ABI1: variants seen among roughly 807,000 people sequenced by gnomAD.
The protein encoded by ABI1 is abl interactor 1.
In ABI1, 14 loss-of-function variants were observed where a neutral mutation model predicts 54.6. The observed-to-expected ratio is 0.26, with a 90% CI of 0.17 to 0.40. The LOEUF (loss-of-function observed/expected upper bound fraction) is 0.40. ABI1 is among the 10% of genes least tolerant of loss of function. The pLI is 1.00. For missense variants in ABI1, 443 were observed against 598.3 expected (o/e 0.74, Z 2.71); for synonymous variants, 194 against 209.3 (o/e 0.93, Z 0.63).
At chr10:26,829,022 C>G (rs568729306) in intron 1 of ABI1, among the ~76,000 whole-genome samples, 2 of 151,672 alleles carry the variant, frequency 1.3e-5, no homozygotes, top group East Asian at 1.9e-4. Flanking sequence ...CTCAGGAGAT[C>G]GAGACCATCC....
chr10:26,858,429 A>C (rs2051010050), intron 1 of ABI1, among the ~76,000 whole-genome samples: 1 of 150,628 alleles, frequency 6.6e-6, no homozygotes, highest in East Asian at 2.0e-4. Flanking sequence ...TAAGGTATTT[A>C]GATAATCATT....
intron 1 of ABI1, among the ~76,000 whole-genome samples, chr10:26,854,831 A>G (rs769452473): frequency 1.3e-5 from 2 of 152,236 alleles, no homozygotes; most frequent in Non-Finnish European, 2.9e-5. Context: ...ATCTCTACAA[A>G]TGCTTCTTCA....
intron 2 of ABI1, among the ~76,000 whole-genome samples, chr10:26,815,164 G>A (rs1054027027): frequency 2.0e-5 from 3 of 151,932 alleles, no homozygotes; most frequent in African/African-American, 4.8e-5. Flanking sequence ...GAAGAGCAAG[G>A]AAATACTCTT....
At chr10:26,832,957 C>T (rs1201445717) in intron 1 of ABI1, among the ~76,000 whole-genome samples, 1 of 152,214 alleles carries the variant, frequency 6.6e-6, no homozygotes, top group Non-Finnish European at 1.5e-5. Context: ...CAGCAGAACG[C>T]CTATTCCAAT....
chr10:26,794,901 T>C (rs1252823388), intron 2 of ABI1, among the ~76,000 whole-genome samples: 8 of 152,082 alleles, frequency 5.3e-5, no homozygotes, highest in Non-Finnish European at 7.4e-5. Context: ...CCCAGCACTT[T>C]GGGAGGCTGA....
At chr10:26,852,529 A>C (rs2050480826) in intron 1 of ABI1, among the ~76,000 whole-genome samples, 1 of 152,186 alleles carries the variant, frequency 6.6e-6, no homozygotes, top group Non-Finnish European at 1.5e-5. Flanking sequence ...TTAAGTTGCT[A>C]ATATTTGACG....
At chr10:26,782,383 G>A (rs919166906) in intron 2 of ABI1, among the ~76,000 whole-genome samples, 1 of 151,426 alleles carries the variant, frequency 6.6e-6, no homozygotes, top group East Asian at 1.9e-4. Flanking sequence ...AAAAAAACCC[G>A]ACTCAAAAAT....
Position 26,860,923 on chromosome 10 carries a change from C to A in ABI1, c.-60G>T. 1 of 1,502,828 alleles carries A rather than the reference C, an allele frequency of 6.7e-7. No individual in the cohort carries two copies. Among genetic ancestry groups the A allele is most frequent in the East Asian group, 2.3e-5 (1 of 44,304 alleles). 93.1% of individuals were successfully genotyped at this position (1,502,828 alleles called of 1,614,324 possible). On this transcript the variant is annotated 5_prime_UTR_variant, in exon 1 of 11. Transcript: ENST00000376140. The surrounding 1 kb of genome is among the most constrained non-coding windows in gnomAD (Gnocchi z 4.1). ...AAGAGACAGAGGCAGCAAGGTCCGC[C>A]GAGGCTCCGAGCACCTCACAGCCCG...
chr10:26,771,101 CA>C lies in ABI1; in HGVS notation c.463-13del, dbSNP rs529518834. ...TTGGCTTTTAGCCACTTTACGTTGG[CA>C]AAAAAAGGGGGGGAAAAAGTAGACA... On this transcript the variant is annotated splice_polypyrimidine_tract_variant and intron_variant, in intron 3 of 10. Transcript: ENST00000376140. 4 of 1,609,690 alleles carry C rather than the reference CA, an allele frequency of 2.5e-6. No homozygotes were observed. The highest frequency in any genetic ancestry group is 2.2e-5 in the East Asian group (1 of 44,720).
intron 1 of ABI1, among the ~76,000 whole-genome samples, chr10:26,829,009 G>A (rs898322619): frequency 9.2e-5 from 14 of 152,086 alleles, no homozygotes; most frequent in Non-Finnish European, 1.5e-4. Flanking sequence ...GGCGGATCAC[G>A]AGCTCAGGAG....
chr10:26,767,062 T>C (rs970264466), intron 6 of ABI1, among the ~76,000 whole-genome samples: 5 of 152,186 alleles, frequency 3.3e-5, no homozygotes, highest in Admixed American at 6.5e-5. Context: ...TCTAACAGAA[T>C]GAGCTCTTGA....
chr10:26,806,024 C>G (rs1257161183), intron 2 of ABI1, among the ~76,000 whole-genome samples: 1 of 152,222 alleles, frequency 6.6e-6, no homozygotes, highest in Non-Finnish European at 1.5e-5. Flanking sequence ...GCATGTCTTT[C>G]TCTAATGCCA....
chr10:26,757,874 C>A (rs1369718627), intron 8 of ABI1, among the ~76,000 whole-genome samples: 1 of 151,948 alleles, frequency 6.6e-6, no homozygotes, highest in Non-Finnish European at 1.5e-5. Flanking sequence ...TCGAGACCAG[C>A]CTGGCCAACA....
At chr10:26,826,468 G>A (rs144792863) in intron 1 of ABI1, among the ~76,000 whole-genome samples, 1 of 152,148 alleles carries the variant, frequency 6.6e-6, no homozygotes, top group African/African-American at 2.4e-5. Context: ...AAGGGCCTTA[G>A]GATTTTCAGC....
Position 26,773,215 on chromosome 10 carries a change from C to CTTTTTTTTTTTTTTTTTTTTTTTTTTTT in ABI1, c.463-2127_463-2126insAAAAAAAAAAAAAAAAAAAAAAAAAAAA, listed in dbSNP as rs58739177. 4.3e-3 allele frequency among the ~76,000 whole-genome samples: 400 copies of CTTTTTTTTTTTTTTTTTTTTTTTTTTTT among 92,388 alleles called. 64 individuals carry two copies. The highest frequency in any genetic ancestry group is 0.012 in the East Asian group (26 of 2,192). The allele number at this position is 92,388 out of a possible 152,430, so 60.6% of individuals were successfully genotyped here. A position where few individuals can be genotyped will look rare whatever the true frequency, so the allele number is the denominator to read the frequency against. ...AGGCACTAAATGTCTAATGCTAATT[C>CTTTTTTTTTTTTTTTTTTTTTTTTTTTT]TTTTTTTTTTTTTGCTGGCTCTGTT... On this transcript the variant is annotated intron_variant, in intron 3 of 10. Transcript: ENST00000376140.
intron 1 of ABI1, among the ~76,000 whole-genome samples, chr10:26,842,887 T>C (rs1389694222): frequency 6.6e-6 from 1 of 151,306 alleles, no homozygotes; most frequent in Non-Finnish European, 1.5e-5. Flanking sequence ...CTACTAAAAA[T>C]ATAAAAATTA....
chr10:26,793,543 C>G (rs1365353759), intron 2 of ABI1, among the ~76,000 whole-genome samples: 2 of 152,340 alleles, frequency 1.3e-5, no homozygotes, highest in East Asian at 3.9e-4. Context: ...CACTAACATT[C>G]TGGCCCACGT....
At chr10:26,773,655 G>T (rs1352249698) in intron 3 of ABI1, among the ~76,000 whole-genome samples, 1 of 152,120 alleles carries the variant, frequency 6.6e-6, no homozygotes, top group African/African-American at 2.4e-5. Flanking sequence ...GAGACCATTA[G>T]GCTGAGACGG....
intron 9 of ABI1, among the ~76,000 whole-genome samples, chr10:26,755,215 T>C (rs575825378): frequency 6.6e-6 from 1 of 152,204 alleles, no homozygotes; most frequent in Non-Finnish European, 1.5e-5. Flanking sequence ...CCCTAAAATT[T>C]TGAAATTAAG....
Sources: allele counts gnomAD v4.1 joint callset (sites outside exome capture counted in the v4.1 genomes callset), GRCh38; gene constraint gnomAD v4.1.1; non-coding constraint Gnocchi (gnomAD v3.1); transcripts MANE v1.5; gene names NCBI Gene and HGNC (gene_info 2026-07-23, HGNC 2026-07-21).